TGFA: variants seen among roughly 807,000 people sequenced by gnomAD.
TGFA encodes the protein protransforming growth factor alpha.
Under a neutral mutation model 21.7 loss-of-function variants are expected in TGFA, and 12 were observed. The observed-to-expected ratio is 0.55, with a 90% confidence interval of 0.35 to 0.90. The LOEUF is 0.90. Among genes scored for constraint, TGFA ranks in the 40% least tolerant of loss-of-function variants. The probability of loss-of-function intolerance (pLI) is 0.01; values close to 1 mark genes in which losing one functional copy is unlikely to be tolerated. For synonymous variants in TGFA, 79 were observed against 88.1 expected, an observed-to-expected ratio of 0.90 and a Z score of 0.58; for missense variants, 178 against 210.8, an observed-to-expected ratio of 0.84 and a Z score of 0.96.
rs185704451 is a variant in TGFA at position 70,489,056 on chromosome 2, G to A, written c.95-23320C>T. On this transcript the variant is annotated intron_variant, in intron 2 of 5. Coordinates refer to ENST00000295400, the MANE Select transcript of TGFA (RefSeq NM_003236.4). ...ACAAAAGATTCCGAGTCAGCAGCACGGGCCCCAGTAGCAGCTCTGTCACAC... is the reference window on the plus strand; with the variant it reads ...ACAAAAGATTCCGAGTCAGCAGCACAGGCCCCAGTAGCAGCTCTGTCACAC... Among the ~76,000 whole-genome samples the A allele has an allele frequency of 4.0e-3, 612 of 152,274 alleles. 3 individuals carry two copies. The highest frequency in any genetic ancestry group is 0.01 in the Middle Eastern group (3 of 294).
intron 2 of TGFA, among the ~76,000 whole-genome samples, chr2:70,499,927 C>T (rs62151574): frequency 6.6e-6 from 1 of 152,106 alleles, no homozygotes; most frequent in Non-Finnish European, 1.5e-5. Flanking sequence ...ATAAGTAATT[C>T]TATATATTCT....
At chr2:70,518,673 C>T (rs1264864580) in intron 1 of TGFA, among the ~76,000 whole-genome samples, 1 of 152,180 alleles carries the variant, frequency 6.6e-6, no homozygotes, top group East Asian at 1.9e-4. Flanking sequence ...GCACAGATAC[C>T]CAGGCTGTGC....
chr2:70,493,256 G>T (rs1190523651), intron 2 of TGFA, among the ~76,000 whole-genome samples: 2 of 152,210 alleles, frequency 1.3e-5, no homozygotes, highest in African/African-American at 4.8e-5. Context: ...ATGGGCCAGA[G>T]AGCATGTGAG....
At chr2:70,452,485 C>T (rs1172781521) in intron 5 of TGFA, among the ~76,000 whole-genome samples, 1 of 152,030 alleles carries the variant, frequency 6.6e-6, no homozygotes, top group Non-Finnish European at 1.5e-5. Flanking sequence ...CATTAGAGAC[C>T]TTTCATAGGC....
At position 70,531,429 on chromosome 2, in the gene TGFA, C is replaced by A. The variant is rs191910313; in HGVS notation, c.41-16517G>T. 1.5e-3 allele frequency among the ~76,000 whole-genome samples: 222 copies of A among 152,144 alleles called. 1 individual carries two copies. Among genetic ancestry groups the A allele is most frequent in the Middle Eastern group, 0.01 (3 of 294 alleles). ...ACACCTTTTAAAGCCTCAAGTACTG[C>A]GTTTAAAAAAATAAAAAGCCATGAG... On this transcript the variant is annotated intron_variant, in intron 1 of 5. Coordinates refer to ENST00000295400, the MANE Select transcript of TGFA (RefSeq NM_003236.4).
chr2:70,478,766 A>G (rs1553494913), intron 2 of TGFA, among the ~76,000 whole-genome samples: 3 of 152,196 alleles, frequency 2.0e-5, no homozygotes, highest in Admixed American at 6.5e-5. Flanking sequence ...TTTAGAAAAC[A>G]TTTTACAAAT....
At chr2:70,549,920 G>C (rs1673435156) in intron 1 of TGFA, among the ~76,000 whole-genome samples, 2 of 152,188 alleles carry the variant, frequency 1.3e-5, no homozygotes, top group Non-Finnish European at 2.9e-5. Flanking sequence ...TCCATATACA[G>C]CTTTACAGCC....
At chr2:70,465,480 A>G in intron 3 of TGFA, 136 bp downstream of exon 3, 1 of 1,154,098 alleles carries the variant, frequency 8.7e-7, no homozygotes, top group Non-Finnish European at 1.2e-6. Flanking sequence ...CCTCAGCCCC[A>G]CTGTTCCAAT....
intron 2 of TGFA, among the ~76,000 whole-genome samples, chr2:70,466,673 C>T (rs1220282014): frequency 6.6e-6 from 1 of 152,142 alleles, no homozygotes; most frequent in Non-Finnish European, 1.5e-5. Flanking sequence ...CTTAGAGTCC[C>T]ATTACTGGGT....
intron 4 of TGFA, among the ~76,000 whole-genome samples, chr2:70,454,836 A>G (rs1270225610): frequency 2.0e-5 from 3 of 152,136 alleles, no homozygotes; most frequent in Non-Finnish European, 2.9e-5. Context: ...AGGCACCTAG[A>G]TCATTCCTGT....
rs75848930 is a variant in TGFA at position 70,458,565 on chromosome 2, C to A, written c.216-2077G>T. ...CCAGCATGTGGGGACTCAGGACACA[C>A]CTGCAGAATGAATGAACAACTACCC... On this transcript the variant is annotated intron_variant, in intron 3 of 5. Coordinates refer to ENST00000295400, the MANE Select transcript of TGFA (RefSeq NM_003236.4). Among the ~76,000 whole-genome samples the A allele has an allele frequency of 1.5e-3, 233 of 152,280 alleles. 3 individuals are homozygous for A. The East Asian group carries it at 0.028, about 18-fold the overall frequency.
At chr2:70,497,637 G>A (rs955254261) in intron 2 of TGFA, among the ~76,000 whole-genome samples, 6 of 152,168 alleles carry the variant, frequency 3.9e-5, no homozygotes, top group Non-Finnish European at 8.8e-5. Context: ...GTAGAAAGGA[G>A]GGCCAGGCTG....
chr2:70,510,931 A>G (rs1672078285), intron 2 of TGFA, among the ~76,000 whole-genome samples: 1 of 152,188 alleles, frequency 6.6e-6, no homozygotes, highest in Admixed American at 6.5e-5. Context: ...GCTGGAGTCC[A>G]GGAATTTGAG....
intron 2 of TGFA, among the ~76,000 whole-genome samples, chr2:70,500,970 C>CAAAAA (rs34669349): frequency 7.0e-6 from 1 of 143,810 alleles, no homozygotes. Context: ...GGGCCATCTC[C>CAAAAA]AAAAAAAAAA....
rs138302466 is a variant in TGFA at position 70,481,464 on chromosome 2, C to T, written c.95-15728G>A. ...TCCTTGGAAGCCACACAGAATAAGT[C>T]TCCCTCTTCTATACAGCAGTCCTTT... On this transcript the variant is annotated intron_variant, in intron 2 of 5. Transcript: ENST00000295400. 3.5e-3 allele frequency among the ~76,000 whole-genome samples: 539 copies of T among 152,292 alleles called. 2 individuals carry two copies. The highest frequency in any genetic ancestry group is 5.5e-3 in the Non-Finnish European group (377 of 68,020).
intron 2 of TGFA, among the ~76,000 whole-genome samples, chr2:70,489,472 C>A (rs1671363961): frequency 6.6e-6 from 1 of 152,236 alleles, no homozygotes; most frequent in Non-Finnish European, 1.5e-5. Flanking sequence ...ACGGTTGCCA[C>A]CCATTCAAGG....
At chr2:70,475,035 C>T (rs560316528) in intron 2 of TGFA, among the ~76,000 whole-genome samples, 2 of 150,466 alleles carry the variant, frequency 1.3e-5, no homozygotes, top group East Asian at 3.9e-4. Context: ...TCAGAGAAGC[C>T]CCAGTGGGGT....
At chr2:70,473,149 A>C (rs6720258) in intron 2 of TGFA, among the ~76,000 whole-genome samples, 16,132 of 152,110 alleles carry the variant, frequency 0.11, 1,180 homozygotes, top group Admixed American at 0.23. Flanking sequence ...CAGCTCTGGG[A>C]TGGGAGGCTG....
At chr2:70,499,960 A>T (rs1671687276) in intron 2 of TGFA, among the ~76,000 whole-genome samples, 1 of 152,258 alleles carries the variant, frequency 6.6e-6, no homozygotes, top group African/African-American at 2.4e-5. Context: ...TAGGATAAAA[A>T]GGTGAAATTG....
Sources: allele counts gnomAD v4.1 joint callset (sites outside exome capture counted in the v4.1 genomes callset), GRCh38; gene constraint gnomAD v4.1.1; transcripts MANE v1.5; gene names NCBI Gene and HGNC (gene_info 2026-07-23, HGNC 2026-07-21).